Variants in GPR176 observed in about 807,000 individuals in gnomAD.
GPR176 encodes G protein-coupled receptor 176.
A neutral mutation model predicts 35.4 loss-of-function variants in GPR176; 26 were observed. The observed-to-expected ratio is 0.74, with a 90% CI of 0.54 to 1.02. The LOEUF (loss-of-function observed/expected upper bound fraction) is 1.02, where lower values mean the gene tolerates loss of function less well. Among genes scored for constraint, GPR176 ranks in the 50% least tolerant of loss-of-function variants. The probability of loss-of-function intolerance (pLI) is 0.00; values close to 1 mark genes in which losing one functional copy is unlikely to be tolerated. For synonymous variants in GPR176, 278 were observed against 271.3 expected (o/e 1.02, Z -0.24); for missense variants, 597 against 665.3 (o/e 0.90, Z 1.13).
chr15:39,856,793 G>T (rs946570204), intron 1 of GPR176, among the ~76,000 whole-genome samples: 20 of 152,236 alleles, frequency 1.3e-4, no homozygotes, highest in Admixed American at 1.3e-4. Flanking sequence ...GGGCGGATTG[G>T]AAGCCATCTT....
chr15:39,860,904 G>A (rs1220553003), intron 1 of GPR176: 1 of 152,214 alleles, frequency 6.6e-6, no homozygotes, highest in Non-Finnish European at 1.5e-5. Context: ...ATTTGGGAAG[G>A]TGGTACCAGG....
At chr15:39,887,334 T>C (rs982542850) in intron 1 of GPR176, among the ~76,000 whole-genome samples, 4 of 152,184 alleles carry the variant, frequency 2.6e-5, no homozygotes, top group Non-Finnish European at 5.9e-5. Flanking sequence ...ATGTAAGTCC[T>C]TGCTAATGAG....
chr15:39,867,026 G>T (rs74475069), intron 1 of GPR176, among the ~76,000 whole-genome samples: 1,614 of 152,202 alleles, frequency 0.011, 13 homozygotes, highest in Middle Eastern at 0.014. Context: ...AGGAGAAAGA[G>T]AATTCATATG....
chr15:39,829,013 C>G (rs1900879981), intron 1 of GPR176: 1 of 706,382 alleles, frequency 1.4e-6, no homozygotes, highest in African/African-American at 1.8e-5. Flanking sequence ...TGCAAGAACT[C>G]AATGAGTTAG....
chr15:39,863,285 G>A (rs978046868), intron 1 of GPR176, among the ~76,000 whole-genome samples: 1 of 151,494 alleles, frequency 6.6e-6, no homozygotes, highest in Non-Finnish European at 1.5e-5. Context: ...GTTTCACCGT[G>A]TTAGCCAGGA....
At chr15:39,868,035 A>G (rs1334148760) in intron 1 of GPR176, among the ~76,000 whole-genome samples, 2 of 152,124 alleles carry the variant, frequency 1.3e-5, no homozygotes, top group Non-Finnish European at 2.9e-5. Flanking sequence ...ACCTGTTAAG[A>G]TAATAAATGA....
At position 39,853,384 on chromosome 15, in the gene GPR176, T is replaced by C. The variant is rs552884752; in HGVS notation, c.173-46126A>G. On this transcript the variant is annotated intron_variant, in intron 1 of 2. Transcript: ENST00000561100. ...CAAATTCATAGAGACAGAAAGTAGATTGGTGGTTTCCAGGAGCTGGGGAAG... is the reference window on the plus strand; with the variant it reads ...CAAATTCATAGAGACAGAAAGTAGACTGGTGGTTTCCAGGAGCTGGGGAAG... 5.9e-5 allele frequency among the ~76,000 whole-genome samples: 9 copies of C among 151,982 alleles called. No individual in the cohort carries two copies. The East Asian group carries it at 9.7e-4, about 16-fold the overall frequency.
chr15:39,832,027 C>T lies in GPR176; in HGVS notation c.173-24769G>A, dbSNP rs559150365. The stretch of plus-strand genomic sequence containing the variant: ...ACACACACACACACACACACACACA[C>T]CATGTTCCAGTGCAATGAAGGGGGC... On this transcript the variant is annotated intron_variant, in intron 1 of 2. Transcript: ENST00000561100. Among the ~76,000 whole-genome samples, 9 of 148,534 alleles carry T rather than the reference C, an allele frequency of 6.1e-5. No homozygotes were observed. In the South Asian group the frequency reaches 1.9e-3, roughly 32 times the overall value.
At chr15:39,850,272 T>C (rs2030763253) in intron 1 of GPR176, among the ~76,000 whole-genome samples, 1 of 152,242 alleles carries the variant, frequency 6.6e-6, no homozygotes, top group Non-Finnish European at 1.5e-5. Context: ...ACAATGTCAC[T>C]AGGGATTAAA....
intron 1 of GPR176, among the ~76,000 whole-genome samples, chr15:39,893,577 G>A (rs1235007141): frequency 6.6e-6 from 1 of 152,220 alleles, no homozygotes; most frequent in Non-Finnish European, 1.5e-5. Flanking sequence ...ATTCCACAAA[G>A]CCGCCATTGT....
In GPR176 at chr15:39,799,072, C is replaced by T. The variant is rs987499214; in HGVS notation, c.*2060G>A. Reference sequence around the variant, plus strand: ...TTATTCTTCAAAGAGTATAGAAATACACCTGGCAATGACCTGTTAGTAGTC... The same window carrying T: ...TTATTCTTCAAAGAGTATAGAAATATACCTGGCAATGACCTGTTAGTAGTC... On this transcript the variant is annotated 3_prime_UTR_variant, in exon 3 of 3. Coordinates refer to ENST00000561100, the MANE Select transcript of GPR176 (RefSeq NM_007223.3). The T allele has an allele frequency of 2.6e-5, 4 of 152,170 alleles. No homozygotes were observed. Among genetic ancestry groups the T allele is most frequent in the Non-Finnish European group, 4.4e-5 (3 of 68,018 alleles). 9.4% of individuals were successfully genotyped at this position (152,170 alleles called of 1,614,324 possible).
intron 1 of GPR176, among the ~76,000 whole-genome samples, chr15:39,893,172 A>G (rs1396796302): frequency 1.3e-5 from 2 of 152,072 alleles, no homozygotes; most frequent in African/African-American, 4.8e-5. Context: ...GCAGGGTCAT[A>G]GGACAATAGT....
chr15:39,802,902 C>T (rs1898974046), intron 2 of GPR176, among the ~76,000 whole-genome samples: 1 of 152,198 alleles, frequency 6.6e-6, no homozygotes, highest in Non-Finnish European at 1.5e-5. Context: ...GATAATCACT[C>T]AGTAACCCTA....
chr15:39,889,742 A>G (rs2032804787), intron 1 of GPR176, among the ~76,000 whole-genome samples: 1 of 152,176 alleles, frequency 6.6e-6, no homozygotes. Context: ...CCTTGGAGGT[A>G]AGGACTTTGT....
At chr15:39,870,521 C>T (rs979150099) in intron 1 of GPR176, among the ~76,000 whole-genome samples, 2 of 152,134 alleles carry the variant, frequency 1.3e-5, no homozygotes, top group African/African-American at 4.8e-5. Flanking sequence ...TATCTTACAA[C>T]TTATCTTTAC....
At chr15:39,864,296 T>A (rs527616804) in intron 1 of GPR176, among the ~76,000 whole-genome samples, 2 of 152,262 alleles carry the variant, frequency 1.3e-5, no homozygotes, top group African/African-American at 4.8e-5. Flanking sequence ...TGTCACCACA[T>A]CAAAAGGGCT....
intron 1 of GPR176, among the ~76,000 whole-genome samples, chr15:39,890,714 T>C (rs1047242554): frequency 5.3e-5 from 8 of 152,238 alleles, no homozygotes; most frequent in African/African-American, 1.9e-4. Context: ...GAACCCTTAC[T>C]GACTCCTATC....
chr15:39,804,377 AT>A (rs1376625065), intron 2 of GPR176, among the ~76,000 whole-genome samples: 1 of 152,234 alleles, frequency 6.6e-6, no homozygotes, highest in Non-Finnish European at 1.5e-5. Flanking sequence ...GCATCTGTGA[AT>A]AACAAAATAG....
chr15:39,893,576 A>G (rs2032955616), intron 1 of GPR176, among the ~76,000 whole-genome samples: 1 of 152,210 alleles, frequency 6.6e-6, no homozygotes, highest in Non-Finnish European at 1.5e-5. Flanking sequence ...TATTCCACAA[A>G]GCCGCCATTG....
Sources: gnomAD v4.1 joint callset for allele counts (sites outside exome capture counted in the v4.1 genomes callset) on GRCh38, gnomAD v4.1.1 for gene constraint, MANE v1.5 for transcripts, NCBI Gene and HGNC (gene_info 2026-07-23, HGNC 2026-07-21) for gene names.